Variants in NBPF12 observed in about 807,000 individuals in gnomAD.
NBPF12 encodes the protein NBPF member 12, also known as NBPF family member NBPF12.
Under a neutral mutation model 146.4 loss-of-function variants are expected in NBPF12, and 115 were observed. The observed-to-expected ratio is 0.79, with a 90% CI of 0.68 to 0.92. NBPF12 has a LOEUF of 0.92. NBPF12 is among the 40% of genes least tolerant of loss of function. The probability of loss-of-function intolerance (pLI) is 0.00; values close to 1 mark genes in which losing one functional copy is unlikely to be tolerated. For synonymous variants in NBPF12, 385 were observed against 508.9 expected, an observed-to-expected ratio of 0.76 and a Z score of 3.28; for missense variants, 1,205 against 1,326.8, an observed-to-expected ratio of 0.91 and a Z score of 1.43.
intron 19 of NBPF12, among the ~76,000 whole-genome samples, chr1:146,981,340 A>G (rs1262838324): frequency 1.4e-5 from 2 of 146,434 alleles, no homozygotes; most frequent in Non-Finnish European, 3.0e-5. Flanking sequence ...ATAATAAAGG[A>G]AAACTATACA....
At chr1:146,955,027 C>CAA (rs1434115695) in intron 2 of NBPF12, among the ~76,000 whole-genome samples, 1 of 91,460 alleles carries the variant, frequency 1.1e-5, no homozygotes, top group South Asian at 3.5e-4. Flanking sequence ...CACACACACA[C>CAA]ATATATATAT....
At chr1:146,962,388 T>C (rs1482819714) in intron 5 of NBPF12, 125 bp downstream of exon 8, 2 of 761,036 alleles carry the variant, frequency 2.6e-6, no homozygotes, top group Non-Finnish European at 4.6e-6. Flanking sequence ...CATGGCAGGC[T>C]CATGACACAC....
chr1:146,948,863 T>G (rs1655194304), upstream of NBPF12, among the ~76,000 whole-genome samples: 1 of 151,380 alleles, frequency 6.6e-6, no homozygotes, highest in African/African-American at 2.4e-5. Flanking sequence ...GATTGTATAT[T>G]CCATCTACTG....
chr1:146,955,074 T>G (rs1353795512), intron 2 of NBPF12, among the ~76,000 whole-genome samples: 2,670 of 96,138 alleles, frequency 0.028, 161 homozygotes, highest in African/African-American at 0.098. Flanking sequence ...ATGAAACAAT[T>G]TCTCAAAAGA....
At chr1:146,961,245 G>A (rs1284405328) in intron 4 of NBPF12, among the ~76,000 whole-genome samples, 10 of 151,812 alleles carry the variant, frequency 6.6e-5, no homozygotes, top group Non-Finnish European at 1.2e-4. Flanking sequence ...ACAGGCTCTT[G>A]TTCCTAAAGA....
intron 1 of NBPF12, among the ~76,000 whole-genome samples, chr1:146,951,144 T>C (rs1384923726): frequency 1.3e-5 from 2 of 152,042 alleles, no homozygotes; most frequent in African/African-American, 4.8e-5. Context: ...GGGATACCTG[T>C]CATCACCACC....
At chr1:146,970,651 T>C (rs2101874208) in exon 12 of NBPF12, 3 of 1,515,838 alleles carry the variant, frequency 2.0e-6, no homozygotes, top group Non-Finnish European at 2.7e-6. Context: ...TTATAGAAAA[T>C]GATGAAGATG....
At chr1:146,964,156 G>C (rs1198283834) in intron 6 of NBPF12, among the ~76,000 whole-genome samples, 2 of 148,578 alleles carry the variant, frequency 1.3e-5, no homozygotes, top group Non-Finnish European at 3.0e-5. Context: ...GCCACATCTT[G>C]ATGGTGGCCC....
intron 11 of NBPF12, 85 bp downstream of exon 14, chr1:146,969,681 A>G (rs1281490565): frequency 1.3e-6 from 2 of 1,535,244 alleles, no homozygotes; most frequent in African/African-American, 1.4e-5. Context: ...TGACAGTTGT[A>G]TCAGTGGGGT....
At chr1:146,963,149 G>T in exon 6 of NBPF12, 1 of 1,609,820 alleles carries the variant, frequency 6.2e-7, no homozygotes, top group Non-Finnish European at 8.5e-7. Flanking sequence ...AGTTAAGGGA[G>T]AAGTTACGGG....
At chr1:146,992,190 T>G (rs1570902047) in intron 31 of NBPF12, 144 bp downstream of exon 34, 1 of 557,158 alleles carries the variant, frequency 1.8e-6, no homozygotes, top group Non-Finnish European at 3.1e-6. Flanking sequence ...TTGGTTTTCA[T>G]TGCAGTAGAT....
At position 146,942,056 on chromosome 1, in the gene NBPF12, A is replaced by G. The variant is rs1181916441; in HGVS notation, c.-821-1235A>G. ...TATTTTCTGTAGAGATGGGGATTCA[A>G]CATGTTTCCCAGGTTGGTCTCAAAC... On this transcript the variant is annotated intron_variant, in intron 1 of 35. Transcript: ENST00000617931. Among the ~76,000 whole-genome samples the G allele has an allele frequency of 2.5e-4, 38 of 149,986 alleles. No homozygotes were observed. The East Asian group carries it at 7.0e-3, about 27-fold the overall frequency.
At chr1:146,961,054 A>C (rs1365107969) in intron 4 of NBPF12, among the ~76,000 whole-genome samples, 3 of 152,094 alleles carry the variant, frequency 2.0e-5, no homozygotes, top group African/African-American at 7.3e-5. Flanking sequence ...GCTGAGGCAG[A>C]AGAAGCCTTT....
intron 2 of NBPF12, among the ~76,000 whole-genome samples, chr1:146,953,791 T>C (rs1368897208): frequency 8.1e-5 from 12 of 148,862 alleles, no homozygotes; most frequent in South Asian, 4.4e-4. Context: ...AGAATACCTG[T>C]TGTTACTCTT....
At chr1:146,957,836 A>C (rs1170947988) in intron 2 of NBPF12, among the ~76,000 whole-genome samples, 1 of 118,912 alleles carries the variant, frequency 8.4e-6, no homozygotes, top group Non-Finnish European at 1.8e-5. Context: ...AGAAAAAAAA[A>C]ATATAATATA....
intron 5 of NBPF12, among the ~76,000 whole-genome samples, chr1:146,962,847 C>G (rs878905017): frequency 2.0e-5 from 3 of 150,900 alleles, no homozygotes; most frequent in Non-Finnish European, 4.4e-5. Flanking sequence ...AGACACCTAC[C>G]TTTGTTTACA....
chr1:146,973,369 A>T (rs1656781587), intron 14 of NBPF12, among the ~76,000 whole-genome samples: 1 of 151,754 alleles, frequency 6.6e-6, no homozygotes, highest in African/African-American at 2.4e-5. Context: ...GAGGCCCAAT[A>T]CGCAAAGCTC....
At chr1:146,967,920 A>G (rs1271664856) in intron 9 of NBPF12, among the ~76,000 whole-genome samples, 2 of 144,876 alleles carry the variant, frequency 1.4e-5, no homozygotes, top group Non-Finnish European at 3.0e-5. Context: ...TTATGGTGTT[A>G]TGTGTCACAC....
At chr1:146,948,156 G>A (rs1261480354), upstream of NBPF12, among the ~76,000 whole-genome samples, 6 of 151,968 alleles carry the variant, frequency 3.9e-5, no homozygotes, top group South Asian at 4.2e-4. Flanking sequence ...GATTACAGGC[G>A]CCTGCTACCA....
Sources: gnomAD v4.1 joint callset for allele counts (sites outside exome capture counted in the v4.1 genomes callset) on GRCh38, gnomAD v4.1.1 for gene constraint, MANE v1.5 for transcripts, NCBI Gene and HGNC (gene_info 2026-07-23, HGNC 2026-07-21) for gene names.